The following INPP4B variants were observed in gnomAD, a reference collection of about 807,000 sequenced individuals.
The protein encoded by INPP4B is inositol polyphosphate 4-phosphatase type II.
Under a neutral mutation model 122.5 loss-of-function variants are expected in INPP4B, and 55 were observed. The ratio of observed to expected loss-of-function variants is 0.45; its 90% confidence interval spans 0.36 to 0.56. The LOEUF (loss-of-function observed/expected upper bound fraction) is 0.56, where lower values mean the gene tolerates loss of function less well. Ranked by LOEUF, INPP4B falls within the 20% of genes least tolerant of loss-of-function variation. The pLI, the probability that INPP4B is intolerant of heterozygous loss-of-function variation, is 0.00. For missense variants in INPP4B, 1,000 were observed against 1,097.7 expected (o/e 0.91, Z 1.26); for synonymous variants, 403 against 388.7 (o/e 1.04, Z -0.43).
intron 2 of INPP4B, among the ~76,000 whole-genome samples, chr4:142,650,296 A>G: frequency 6.6e-6 from 1 of 152,240 alleles, no homozygotes; most frequent in East Asian, 1.9e-4. Context: ...TGCTATGAAG[A>G]AACTGCATCA....
At chr4:142,263,701 C>G (rs1201134941) in intron 10 of INPP4B, among the ~76,000 whole-genome samples, 1 of 109,406 alleles carries the variant, frequency 9.1e-6, no homozygotes, top group African/African-American at 3.3e-5. Flanking sequence ...ATGACAAGTA[C>G]TAATCACAAA....
At chr4:142,256,170 C>A (rs1183368906) in intron 11 of INPP4B, among the ~76,000 whole-genome samples, 5 of 149,906 alleles carry the variant, frequency 3.3e-5, no homozygotes, top group Non-Finnish European at 5.9e-5. Context: ...AACAAAGACA[C>A]AACATACCAG....
chr4:142,762,595 G>C (rs1290337831), intron 1 of INPP4B, among the ~76,000 whole-genome samples: 1 of 152,146 alleles, frequency 6.6e-6, no homozygotes, highest in African/African-American at 2.4e-5. Flanking sequence ...TCCCTGTCTT[G>C]TTAGTTTAGA....
rs182901865 is a variant in INPP4B, at chr4:142,491,355, C to T, written c.-190-28629G>A. Among the ~76,000 whole-genome samples, 7 of 152,206 alleles carry T rather than the reference C, an allele frequency of 4.6e-5. No homozygotes were observed. The East Asian group carries it at 1.2e-3, about 25-fold the overall frequency. On this transcript the variant is annotated intron_variant, in intron 2 of 25. Coordinates refer to ENST00000262992, the MANE Select transcript of INPP4B (RefSeq NM_001101669.3). ...TTAATCTGAACAAACATTTTTTATA[C>T]GTGAGCCCAAAACACAGGCAACTAA...
At chr4:142,830,911 A>G (rs1561118681) in intron 1 of INPP4B, among the ~76,000 whole-genome samples, 1 of 151,526 alleles carries the variant, frequency 6.6e-6, no homozygotes, top group Admixed American at 6.6e-5. Context: ...AGTCCCAGCT[A>G]CTAGGGAGGC....
chr4:142,753,964 C>T lies in INPP4B; in HGVS notation c.-253-28063G>A, dbSNP rs140034662. ...TTCATTTCCTTCCTTTTTTCACAAA[C>T]GCCCAATCCAGCTCCTAATAATTTT... is the stretch of plus-strand genomic sequence containing the variant. On this transcript the variant is annotated intron_variant, in intron 1 of 25. Transcript: ENST00000262992. Among the ~76,000 whole-genome samples the T allele has an allele frequency of 2.8e-3, 432 of 152,004 alleles. 2 individuals are homozygous for T. The highest frequency in any genetic ancestry group is 9.5e-3 in the African/African-American group (394 of 41,518).
chr4:142,808,069 G>A (rs1428125469), intron 1 of INPP4B, among the ~76,000 whole-genome samples: 1 of 151,416 alleles, frequency 6.6e-6, no homozygotes, highest in Non-Finnish European at 1.5e-5. Flanking sequence ...TTTCTCTAAA[G>A]GAGCCCTGTT....
At chr4:142,107,212 A>G (rs1787596849) in intron 23 of INPP4B, among the ~76,000 whole-genome samples, 1 of 152,276 alleles carries the variant, frequency 6.6e-6, no homozygotes, top group East Asian at 1.9e-4. Context: ...TTTGGATACC[A>G]CATTCATTAG....
At chr4:142,164,503 T>C (rs1821711305) in intron 16 of INPP4B, among the ~76,000 whole-genome samples, 1 of 151,808 alleles carries the variant, frequency 6.6e-6, no homozygotes, top group Non-Finnish European at 1.5e-5. Context: ...CACTCTGTCA[T>C]TAGGGCACTG....
intron 2 of INPP4B, among the ~76,000 whole-genome samples, chr4:142,634,017 C>T (rs1373450733): frequency 3.3e-5 from 5 of 151,304 alleles, no homozygotes; most frequent in Non-Finnish European, 7.4e-5. Flanking sequence ...CAGAGTAAGA[C>T]CATGTCTCAG....
At chr4:142,268,322 CAAAAAAAAAA>C (rs56908599) in intron 10 of INPP4B, among the ~76,000 whole-genome samples, 4 of 6,898 alleles carry the variant, frequency 5.8e-4, no homozygotes, top group South Asian at 0.017. Context: ...GACTCCGTCT[CAAAAAAAAAA>C]AAAAAAAAAA....
At chr4:142,425,123 C>T (rs1338333996) in intron 5 of INPP4B, 1 of 151,992 alleles carries the variant, frequency 6.6e-6, no homozygotes, top group Non-Finnish European at 1.5e-5. Context: ...TACATGGATT[C>T]TTAAAATAAA....
At chr4:142,289,561 G>A (rs770340798) in intron 9 of INPP4B, among the ~76,000 whole-genome samples, 4 of 152,036 alleles carry the variant, frequency 2.6e-5, no homozygotes, top group African/African-American at 7.2e-5. Flanking sequence ...GACAGGCCCC[G>A]TGTGTGTTGT....
At chr4:142,541,552 T>C (rs1828944078) in intron 2 of INPP4B, among the ~76,000 whole-genome samples, 1 of 152,172 alleles carries the variant, frequency 6.6e-6, no homozygotes, top group South Asian at 2.1e-4. Flanking sequence ...TGCTTATCAA[T>C]TTATTGCCTC....
intron 3 of INPP4B, among the ~76,000 whole-genome samples, chr4:142,459,677 G>T (rs72946813): frequency 6.6e-6 from 1 of 152,144 alleles, no homozygotes; most frequent in African/African-American, 2.4e-5. Context: ...ACAGAGAAGC[G>T]TAATTTCTCT....
At chr4:142,559,077 G>T (rs1729892767) in intron 2 of INPP4B, among the ~76,000 whole-genome samples, 1 of 152,130 alleles carries the variant, frequency 6.6e-6, no homozygotes, top group South Asian at 2.1e-4. Context: ...GGTGCACAAT[G>T]ATTTCAGTCG....
intron 16 of INPP4B, among the ~76,000 whole-genome samples, chr4:142,172,867 T>A (rs1000062589): frequency 6.6e-6 from 1 of 151,996 alleles, no homozygotes; most frequent in Non-Finnish European, 1.5e-5. Flanking sequence ...AAAAATTACA[T>A]GATCTCCTTA....
intron 2 of INPP4B, among the ~76,000 whole-genome samples, chr4:142,491,623 C>T (rs1821887945): frequency 6.6e-6 from 1 of 152,196 alleles, no homozygotes; most frequent in Non-Finnish European, 1.5e-5. Context: ...TGCCATTGCA[C>T]TCCAGCCTGG....
chr4:142,549,186 T>A (rs565286352), intron 2 of INPP4B, among the ~76,000 whole-genome samples: 128 of 152,244 alleles, frequency 8.4e-4, no homozygotes, highest in Admixed American at 1.6e-3. Flanking sequence ...TATGCTTTCA[T>A]TTGTTCTTCT....
Sources: gnomAD v4.1 joint callset for allele counts (sites outside exome capture counted in the v4.1 genomes callset) on GRCh38, gnomAD v4.1.1 for gene constraint, MANE v1.5 for transcripts, NCBI Gene and HGNC (gene_info 2026-07-23, HGNC 2026-07-21) for gene names.